Variants in SLC5A6 observed in about 807,000 individuals in gnomAD.
SLC5A6 encodes sodium-dependent multivitamin transporter.
Under a neutral mutation model 67.9 loss-of-function variants are expected in SLC5A6, and 31 were observed. The ratio of observed to expected loss-of-function variants is 0.46; its 90% CI spans 0.34 to 0.62. SLC5A6 has a LOEUF of 0.62. Among genes scored for constraint, SLC5A6 ranks in the 20% least tolerant of loss-of-function variants. The pLI is 0.01. For synonymous variants in SLC5A6, 343 were observed against 331.0 expected, an observed-to-expected ratio of 1.04 and a Z score of -0.39; for missense variants, 673 against 812.8, an observed-to-expected ratio of 0.83 and a Z score of 2.09.
rs908598405 is a variant in SLC5A6 at position 27,212,139 on chromosome 2, G to A, written c.-327C>T. 6.6e-7 allele frequency: 1 copy of A among 1,520,104 alleles called. No homozygotes were observed. The highest frequency in any genetic ancestry group is 8.8e-7 in the Non-Finnish European group (1 of 1,137,006). The allele number at this position is 1,520,104 out of a possible 1,614,324, so 94.2% of individuals were successfully genotyped here. On this transcript the variant is annotated 5_prime_UTR_variant, in exon 1 of 17. Transcript: ENST00000310574. ...CGGGAAGCCGCGCGGCGACGGGGGA[G>A]GCCTTCACTAAAGGGGAAAAGGAAG...
At position 27,207,659 on chromosome 2, in the gene SLC5A6, T is replaced by G. The variant is rs757739363; in HGVS notation, c.-9A>C. On this transcript the variant is annotated 5_prime_UTR_variant, in exon 3 of 17. Coordinates refer to ENST00000310574, the MANE Select transcript of SLC5A6 (RefSeq NM_021095.4). The surrounding 1 kb of genome is among the most constrained non-coding windows in gnomAD (Gnocchi z 5.5). ...CTCACCCCTACACTCATATCCTCAC[T>G]GTGTCTGTGATCTGCAGCCAGTTGC... 6.2e-7 allele frequency: 1 copy of G among 1,603,202 alleles called. No individual in the cohort carries two copies. Among genetic ancestry groups the G allele is most frequent in the Non-Finnish European group, 8.5e-7 (1 of 1,172,398 alleles).
rs1328227078 is a variant in SLC5A6, at chr2:27,202,898, G to C, written c.1208-18C>G. ...GCCAAAGGCTGGGGGAAAAGGACAG[G>C]AGAGGAAACAAGAAGGTGTGAGTTA... On this transcript the variant is annotated intron_variant, in intron 11 of 16. Transcript: ENST00000310574. The C allele has an allele frequency of 1.2e-6, 2 of 1,612,120 alleles. No individual in the cohort carries two copies. The highest frequency in any genetic ancestry group is 1.7e-6 in the Non-Finnish European group (2 of 1,179,546).
Position 27,204,936 on chromosome 2 carries a change from AAC to A in SLC5A6, c.735-7_735-6del, listed in dbSNP as rs746471666. 6.2e-7 allele frequency: 1 copy of A among 1,612,298 alleles called. No homozygotes were observed. The highest frequency in any genetic ancestry group is 1.7e-5 in the Admixed American group (1 of 60,022). Reference sequence around the variant, plus strand: ...ACAAAGGGGTCTGGATCCAGCCTGTAACAGACACCACCCAGTCATTGTGCAAA... The same window carrying A: ...ACAAAGGGGTCTGGATCCAGCCTGTAAGACACCACCCAGTCATTGTGCAAA... On this transcript the variant is annotated splice_polypyrimidine_tract_variant and splice_region_variant and intron_variant, in intron 7 of 16. Transcript: ENST00000310574.
chr2:27,203,389 G>T (rs772707651), intron 10 of SLC5A6, 44 bp from the exon 11 acceptor site: 23 of 1,565,896 alleles, frequency 1.5e-5, no homozygotes, highest in Non-Finnish European at 1.9e-5. Context: ...AGGCAAAATT[G>T]TCAGCTCTAT....
In SLC5A6 at chr2:27,202,012, C is replaced by T. The variant is rs1161601655; in HGVS notation, c.1338G>A (p.Met446Ile). 6.2e-7 allele frequency: 1 copy of T among 1,614,150 alleles called. No homozygotes were observed. Among genetic ancestry groups the T allele is most frequent in the Admixed American group, 1.7e-5 (1 of 60,028 alleles). Residue 446 changes from methionine (M) to isoleucine (I), a missense_variant, in exon 13 of 17, where the codon ATG (methionine) becomes ATA (isoleucine). By Grantham distance (10) the Met-to-Ile change is conservative (BLOSUM62 1). Transcript: ENST00000310574. Reference sequence around the variant, plus strand: ...CAGGAGGGTTAGCACATGGAAAGAACATTCCAAGGCAGAAGAGTCCCAGCA... The same window carrying T: ...CAGGAGGGTTAGCACATGGAAAGAATATTCCAAGGCAGAAGAGTCCCAGCA... ...GPLLGLFCLG[M>I]FFPCANPPGA...
At position 27,205,389 on chromosome 2, in the gene SLC5A6, C is replaced by T; in HGVS notation, c.695G>A (p.Trp232Ter). Residue 232 changes from tryptophan (W) to a stop codon, truncating the protein, a stop_gained, in exon 7 of 17, where the codon TGG becomes TAG. Transcript: ENST00000310574. LOFTEE classifies it high-confidence loss of function. ...SAKVGGLGRV[W>*]AVASQHGRIS... ...GCGGCCGTGCTGGGAAGCCACGGCC[C>T]ACACACGCCCCAAGCCGCCCACCTT... The T allele has an allele frequency of 6.2e-7, 1 of 1,614,180 alleles. No individual in the cohort carries two copies. The highest frequency in any genetic ancestry group is 8.5e-7 in the Non-Finnish European group (1 of 1,180,022).
Position 27,205,417 on chromosome 2 carries a change from C to T in SLC5A6, c.667G>A (p.Ala223Thr), listed in dbSNP as rs371905134. Residue 223 changes from alanine (A) to threonine (T), a missense_variant, in exon 7 of 17, where the codon GCC becomes ACC. Ala to Thr is a moderately conservative substitution (Grantham distance 58, BLOSUM62 0). Coordinates refer to ENST00000310574, the MANE Select transcript of SLC5A6 (RefSeq NM_021095.4). ...ACACGCCCCAAGCCGCCCACCTTGG[C>T]TGACCCCACAATGATAACTGCCAGC... ...GQLAVIIVGS[A>T]KVGGLGRVWA... The T allele has an allele frequency of 1.2e-6, 2 of 1,614,044 alleles. No individual in the cohort carries two copies. Among genetic ancestry groups the T allele is most frequent in the Non-Finnish European group, 1.7e-6 (2 of 1,179,990 alleles).
Position 27,212,058 on chromosome 2 carries a change from C to T in SLC5A6, c.-246G>A. On this transcript the variant is annotated 5_prime_UTR_variant, in exon 1 of 17. Transcript: ENST00000310574. ...AGGGGCCCGAGTTTCTGCGAAGCCG[C>T]GACCTCGGCGTCCGGACGCGGGGAA... 2.7e-6 allele frequency: 3 copies of T among 1,104,798 alleles called. No individual in the cohort carries two copies. The South Asian group carries it at 4.8e-5, about 18-fold the overall frequency. The allele number at this position is 1,104,798 out of a possible 1,614,324, so 68.4% of individuals were successfully genotyped here.
Position 27,204,919 on chromosome 2 carries a change from G to T in SLC5A6, c.747C>A (p.Asp249Glu), listed in dbSNP as rs756083122. 21 of 1,613,554 alleles carry T rather than the reference G, an allele frequency of 1.3e-5. No homozygotes were observed. Among genetic ancestry groups the T allele is most frequent in the Non-Finnish European group, 1.8e-5 (21 of 1,180,000 alleles). The change falls in exon 8 of 17, where the codon GAC (aspartate) becomes GAA (glutamate). Residue 249 changes from aspartate to glutamate, a missense_variant. Asp to Glu is a conservative substitution (Grantham distance 45). Coordinates refer to ENST00000310574, the MANE Select transcript of SLC5A6 (RefSeq NM_021095.4). ...TCCAGAAGGTGTGCCGCACAAAGGG[G>T]TCTGGATCCAGCCTGTAACAGACAC... ...GRISGFELDPDPFVRHTFWTL... is the reference protein window; with the variant it reads ...GRISGFELDPEPFVRHTFWTL...
intron 6 of SLC5A6, among the ~76,000 whole-genome samples, chr2:27,205,796 C>T (rs187605680): frequency 3.9e-5 from 6 of 152,314 alleles, no homozygotes; most frequent in Admixed American, 3.9e-4. Flanking sequence ...AGGGGACTCT[C>T]CTGCCATTAG....
Position 27,206,067 on chromosome 2 carries a change from C to A in SLC5A6, c.538G>T (p.Val180Leu). ...AVTGFDLWLSVLALGIVCTVY... is the reference protein window; with the variant it reads ...AVTGFDLWLSLLALGIVCTVY... ...GTACAGACAATGCCCAGGGCCAGCA[C>A]GGACAGCCACAGATCAAAGCCAGTC... The change falls in exon 6 of 17, where the codon GTG becomes TTG. Residue 180 changes from valine (V) to leucine (L), a missense_variant. By Grantham distance (32) the Val-to-Leu change is conservative. Transcript: ENST00000310574. The A allele has an allele frequency of 1.9e-6, 3 of 1,614,138 alleles. No homozygotes were observed. Among genetic ancestry groups the A allele is most frequent in the Non-Finnish European group, 2.5e-6 (3 of 1,179,988 alleles).
Position 27,200,399 on chromosome 2 carries a change from G to C in SLC5A6, c.*37C>G. The C allele has an allele frequency of 6.3e-7, 1 of 1,585,200 alleles. No homozygotes were observed. Among genetic ancestry groups the C allele is most frequent in the Non-Finnish European group, 8.6e-7 (1 of 1,165,566 alleles). ...ACAGGGTGGCCTCTGGCTATGGCCTGGCACAGTGAGGACAGAGGCGGGGTC... is the reference window on the plus strand; with the variant it reads ...ACAGGGTGGCCTCTGGCTATGGCCTCGCACAGTGAGGACAGAGGCGGGGTC... On this transcript the variant is annotated 3_prime_UTR_variant, in exon 17 of 17. Coordinates refer to ENST00000310574, the MANE Select transcript of SLC5A6 (RefSeq NM_021095.4).
chr2:27,203,004 C>A, intron 11 of SLC5A6, 124 bp from the exon 12 acceptor site: 4 of 1,530,830 alleles, frequency 2.6e-6, no homozygotes, highest in Non-Finnish European at 3.5e-6. Context: ...AGGCATATTA[C>A]ATCACGCCCC....
intron 16 of SLC5A6, 152 bp from the exon 17 acceptor site, chr2:27,200,731 G>A: frequency 1.4e-6 from 1 of 703,780 alleles, no homozygotes; most frequent in Non-Finnish European, 2.4e-6. Context: ...GCATAGCACA[G>A]CAGGGAGCAC....
At chr2:27,202,572 ATG>A (rs1673739421) in intron 12 of SLC5A6, among the ~76,000 whole-genome samples, 1 of 146,038 alleles carries the variant, frequency 6.8e-6, no homozygotes, top group Non-Finnish European at 1.5e-5. Flanking sequence ...ATGGAGAGGG[ATG>A]TGTTTTGAGT....
chr2:27,207,606 C>T lies in SLC5A6; in HGVS notation c.45G>A (p.Ser15=), dbSNP rs192221724. The T allele has an allele frequency of 4.4e-4, 716 of 1,614,184 alleles. No homozygotes were observed. The highest frequency in any genetic ancestry group is 5.5e-4 in the Non-Finnish European group (645 of 1,180,018). ...AGGTAGACATGCCCACGCTTGTGCC[C>T]GAGGTTGGGGAAAGAGGGGCTGAGG... ...VSTSAPLSPT[S]GTSVGMSTFS... is the part of the protein sequence containing the mutation. Residue 15 remains serine, a synonymous_variant, in exon 3 of 17, where the codon TCG becomes TCA. Transcript: ENST00000310574. This position sits in a 1 kb window ranked among gnomAD's most constrained non-coding sequence, Gnocchi z 5.5.
At chr2:27,201,191 G>A (rs2580762) in intron 15 of SLC5A6, 78 bp from the exon 16 acceptor site, 2 of 1,163,322 alleles carry the variant, frequency 1.7e-6, no homozygotes, top group East Asian at 4.8e-5. Flanking sequence ...TTGGCCCCCA[G>A]AGACCCCAGC....
Position 27,204,815 on chromosome 2 carries a change from G to A in SLC5A6, c.851C>T (p.Ser284Phe). 6.2e-7 allele frequency: 1 copy of A among 1,614,084 alleles called. No individual in the cohort carries two copies. The highest frequency in any genetic ancestry group is 8.5e-7 in the Non-Finnish European group (1 of 1,179,990). The change falls in exon 8 of 17, where the codon TCC becomes TTC. Residue 284 changes from serine to phenylalanine, a missense_variant. Transcript: ENST00000310574. ...CAGCACAGCAGCCTTCTCCGTGCGG[G>A]AACTGAGGTACCGCTGCACCTGAGC... ...NQAQVQRYLSSRTEKAAVLSC... is the reference protein window; with the variant it reads ...NQAQVQRYLSFRTEKAAVLSC...
At position 27,203,223 on chromosome 2, in the gene SLC5A6, A is replaced by G; in HGVS notation, c.1207+10T>C. 1 of 1,614,210 alleles carries G rather than the reference A, an allele frequency of 6.2e-7. No individual in the cohort carries two copies. The highest frequency in any genetic ancestry group is 1.1e-5 in the South Asian group (1 of 91,082). On this transcript the variant is annotated intron_variant, in intron 11 of 16. Transcript: ENST00000310574. The stretch of plus-strand genomic sequence containing the variant: ...ACCCAGACTGAAGAGATGAGGAAGC[A>G]TAACCCCACCAAGGCCTCTGGAAAG...
Sources: allele counts gnomAD v4.1 joint callset (sites outside exome capture counted in the v4.1 genomes callset), GRCh38; gene constraint gnomAD v4.1.1; non-coding constraint Gnocchi (gnomAD v3.1); transcripts MANE v1.5; gene names NCBI Gene and HGNC (gene_info 2026-07-23, HGNC 2026-07-21).